Variants in CDK15 observed in about 807,000 individuals in gnomAD.
CDK15 encodes the protein cyclin dependent kinase 15, also known as cyclin-dependent kinase 15.
Under a neutral mutation model 60.3 loss-of-function variants are expected in CDK15, and 62 were observed. The ratio of observed to expected loss-of-function variants is 1.03; its 90% CI spans 0.84 to 1.27. The LOEUF is 1.27. Among genes scored for constraint, CDK15 ranks in the 50% most tolerant of loss-of-function variants. CDK15 has a pLI of 0.00. For synonymous variants in CDK15, 194 were observed against 195.7 expected (o/e 0.99, Z 0.07); for missense variants, 541 against 527.8 (o/e 1.03, Z -0.25).
At chr2:201,863,187 T>C (rs1486756610) in intron 10 of CDK15, among the ~76,000 whole-genome samples, 4 of 152,220 alleles carry the variant, frequency 2.6e-5, no homozygotes, top group Non-Finnish European at 5.9e-5. Context: ...TCTTCATTAA[T>C]GGTTGCTTCT....
intron 10 of CDK15, among the ~76,000 whole-genome samples, chr2:201,855,363 A>G (rs1698099941): frequency 6.6e-6 from 1 of 152,258 alleles, no homozygotes; most frequent in Non-Finnish European, 1.5e-5. Context: ...GGCCTAGGAC[A>G]TGCCAAGTAA....
At position 201,836,112 on chromosome 2, in the gene CDK15, A is replaced by ATATATATTTATATATT. The variant is rs1165386747; in HGVS notation, c.851+357_851+358insTATATATTTATATATT. 1.4e-3 allele frequency among the ~76,000 whole-genome samples: 146 copies of ATATATATTTATATATT among 105,560 alleles called. 2 individuals are homozygous for ATATATATTTATATATT. Among genetic ancestry groups the ATATATATTTATATATT allele is most frequent in the African/African-American group, 4.7e-3 (138 of 29,168 alleles). The allele number at this position is 105,560 out of a possible 152,430, so 69.3% of individuals were successfully genotyped here. A position where few individuals can be genotyped will look rare whatever the true frequency, so the allele number is the denominator to read the frequency against. ...TATATTTATATATATTTATATATTT[A>ATATATATTTATATATT]TATATATTATATATTTTATATATTT... is the stretch of plus-strand genomic sequence containing the variant. On this transcript the variant is annotated intron_variant, in intron 8 of 13. Coordinates refer to ENST00000652192, the MANE Select transcript of CDK15 (RefSeq NM_001366386.2).
At position 201,833,869 on chromosome 2, in the gene CDK15, C is replaced by T. The variant is rs137880666; in HGVS notation, c.628C>T (p.Arg210Trp). Residue 210 changes from arginine to tryptophan, a missense_variant, in exon 7 of 14, where the codon CGG (arginine) becomes TGG (tryptophan). By Grantham distance (101) the Arg-to-Trp change is moderately radical. Transcript: ENST00000652192. ...NVRLFMFQLL[R>W]GLAYIHHQHV... is the part of the protein sequence containing the mutation. The stretch of plus-strand genomic sequence containing the variant: ...CCAGCTTTTCATGTTTCAACTTTTG[C>T]GGGGCCTGGCGTACATCCACCACCA... 125 of 1,613,394 alleles carry T rather than the reference C, an allele frequency of 7.7e-5. No homozygotes were observed. In the African/African-American group the frequency reaches 8.3e-4, roughly 11 times the overall value.
At chr2:201,836,668 T>A (rs1400916235) in intron 8 of CDK15, among the ~76,000 whole-genome samples, 1 of 151,486 alleles carries the variant, frequency 6.6e-6, no homozygotes, top group Non-Finnish European at 1.5e-5. Context: ...CCTTGACACC[T>A]TATCCACAGA....
Position 201,807,662 on chromosome 2 carries a change from T to C in CDK15, c.273+19T>C. On this transcript the variant is annotated intron_variant, in intron 2 of 13. Transcript: ENST00000652192. ...TCAGTGGGTGAGTGAGCAGCTGATGTTGATCAAGAAGAATTTAATGTGAGC... is the reference window on the plus strand; with the variant it reads ...TCAGTGGGTGAGTGAGCAGCTGATGCTGATCAAGAAGAATTTAATGTGAGC... 6.2e-7 allele frequency: 1 copy of C among 1,613,732 alleles called. No homozygotes were observed. Among genetic ancestry groups the C allele is most frequent in the South Asian group, 1.1e-5 (1 of 91,024 alleles).
chr2:201,860,895 A>C, intron 10 of CDK15: 1 of 1,349,068 alleles, frequency 7.4e-7, no homozygotes, highest in Admixed American at 1.9e-5. Context: ...AGATGATTAA[A>C]ATGATCCTTG....
chr2:201,891,678 T>A (rs1368842452), intron 13 of CDK15, among the ~76,000 whole-genome samples: 4 of 152,108 alleles, frequency 2.6e-5, no homozygotes, highest in Non-Finnish European at 5.9e-5. Flanking sequence ...ACTCCAAAAG[T>A]CACCGTAGTA....
chr2:201,876,766 C>T (rs1236667776), intron 11 of CDK15, among the ~76,000 whole-genome samples: 3 of 152,146 alleles, frequency 2.0e-5, no homozygotes, highest in Non-Finnish European at 4.4e-5. Flanking sequence ...TATTCATTCA[C>T]CTGGTTTAAA....
intron 10 of CDK15, among the ~76,000 whole-genome samples, chr2:201,861,709 C>T (rs1404107373): frequency 3.3e-5 from 5 of 151,970 alleles, no homozygotes; most frequent in South Asian, 4.2e-4. Context: ...TACAGGCGCA[C>T]GCCACTGAAC....
Position 201,824,286 on chromosome 2 carries a change from A to G in CDK15, c.606+559A>G, listed in dbSNP as rs544868171. 8.5e-5 allele frequency among the ~76,000 whole-genome samples: 13 copies of G among 152,212 alleles called. No homozygotes were observed. In the East Asian group the frequency reaches 2.5e-3, roughly 29 times the overall value. ...ATTCCCTAAGGTTTTATTGGCATTAATTAATTGATTGGCTCTTAAAATAAC... is the reference window on the plus strand; with the variant it reads ...ATTCCCTAAGGTTTTATTGGCATTAGTTAATTGATTGGCTCTTAAAATAAC... On this transcript the variant is annotated intron_variant, in intron 6 of 13. Coordinates refer to ENST00000652192, the MANE Select transcript of CDK15 (RefSeq NM_001366386.2).
chr2:201,834,979 A>G (rs1696941254), intron 7 of CDK15, among the ~76,000 whole-genome samples: 1 of 152,226 alleles, frequency 6.6e-6, no homozygotes, highest in Admixed American at 6.5e-5. Context: ...AACAGTACTT[A>G]GAAATTCATC....
chr2:201,806,668 G>A lies in CDK15; in HGVS notation c.4G>A (p.Gly2Ser). Residue 2 changes from glycine (G) to serine (S), a missense_variant, in exon 1 of 14, where the codon GGT becomes AGT. Physicochemically the swap from Gly to Ser is moderately conservative, Grantham distance 56. Transcript: ENST00000652192. M[G>S]QELCAKTVQP... ...TTCTCCTTGAACCTACAAGATTATG[G>A]GTCAAGAGCTGTGTGCAAAGACTGT... The A allele has an allele frequency of 6.3e-7, 1 of 1,591,576 alleles. No individual in the cohort carries two copies. The highest frequency in any genetic ancestry group is 1.7e-5 in the Admixed American group (1 of 59,426).
At position 201,847,365 on chromosome 2, in the gene CDK15, T is replaced by A; in HGVS notation, c.852-16T>A. 1 of 1,608,242 alleles carries A rather than the reference T, an allele frequency of 6.2e-7. No individual in the cohort carries two copies. The highest frequency in any genetic ancestry group is 2.2e-5 in the East Asian group (1 of 44,844). ...TTTCTTTCAAAGTGTCAATTTACTC[T>A]TATTTCATTTGCTAGGGGTGCAGGC... On this transcript the variant is annotated splice_polypyrimidine_tract_variant and intron_variant, in intron 8 of 13. Coordinates refer to ENST00000652192, the MANE Select transcript of CDK15 (RefSeq NM_001366386.2).
chr2:201,862,577 G>A (rs1240289431), intron 10 of CDK15, among the ~76,000 whole-genome samples: 1 of 152,144 alleles, frequency 6.6e-6, no homozygotes, highest in Non-Finnish European at 1.5e-5. Context: ...AATAATTGAG[G>A]ACTAACTATG....
intron 2 of CDK15, 48 bp downstream of exon 2, chr2:201,807,691 T>C: frequency 1.2e-6 from 2 of 1,608,798 alleles, no homozygotes; most frequent in East Asian, 2.2e-5. Context: ...TGTGAGCTTG[T>C]CTACGGAGGC....
At chr2:201,865,490 C>T (rs909336843) in intron 10 of CDK15, among the ~76,000 whole-genome samples, 3 of 152,090 alleles carry the variant, frequency 2.0e-5, no homozygotes, top group East Asian at 1.9e-4. Flanking sequence ...AAAAGTGATA[C>T]GCTACAAATA....
At chr2:201,807,420 G>GA (rs3214362) in intron 1 of CDK15, 74 bp from the exon 2 acceptor site, 336,831 of 1,457,842 alleles carry the variant, frequency 0.23, 41,871 homozygotes, top group East Asian at 0.41. Flanking sequence ...GGCAAATAAA[G>GA]AAAAAATGGT....
At chr2:201,877,563 C>A (rs939355797) in intron 11 of CDK15, among the ~76,000 whole-genome samples, 7 of 152,172 alleles carry the variant, frequency 4.6e-5, no homozygotes, top group Admixed American at 1.3e-4. Flanking sequence ...GAGATTTCCC[C>A]TGAGTCTCCT....
Position 201,806,802 on chromosome 2 carries a change from G to A in CDK15, c.123+15G>A, listed in dbSNP as rs1245063939. The A allele has an allele frequency of 6.3e-7, 1 of 1,597,724 alleles. No homozygotes were observed. Among genetic ancestry groups the A allele is most frequent in the Non-Finnish European group, 8.5e-7 (1 of 1,179,198 alleles). On this transcript the variant is annotated intron_variant, in intron 1 of 13. Transcript: ENST00000652192. ...CTGCGTTCAAGGTATTTGTATCCCAGGAGAGAGCATCTTTCTCTATTGATA... is the reference window on the plus strand; with the variant it reads ...CTGCGTTCAAGGTATTTGTATCCCAAGAGAGAGCATCTTTCTCTATTGATA...
Sources: allele counts gnomAD v4.1 joint callset (sites outside exome capture counted in the v4.1 genomes callset), GRCh38; gene constraint gnomAD v4.1.1; transcripts MANE v1.5; gene names NCBI Gene and HGNC (gene_info 2026-07-23, HGNC 2026-07-21).